AEN: variants seen among roughly 807,000 people sequenced by gnomAD.
AEN encodes apoptosis-enhancing nuclease.
AEN carries 21 observed loss-of-function variants against 17.7 expected under a neutral mutation model. The observed-to-expected ratio is 1.19, with a 90% CI of 0.84 to 1.71. AEN has a LOEUF of 1.71. Among genes scored for constraint, AEN ranks in the 40% most tolerant of loss-of-function variants. AEN has a pLI of 0.00. For synonymous variants in AEN, 190 were observed against 173.0 expected, an observed-to-expected ratio of 1.10 and a Z score of -0.77; for missense variants, 462 against 435.9, an observed-to-expected ratio of 1.06 and a Z score of -0.53.
rs1272571093 is a variant in AEN at position 88,626,257 on chromosome 15, C to A, written c.48C>A (p.Ser16=). ...APESAQCLCP[S]LTIPNAKDVL... ...AGTCTGCTCAGTGCCTGTGCCCTTC[C>A]CTCACCATCCCAAATGCCAAGGATG... The change falls in exon 2 of 4, where the codon TCC becomes TCA. Residue 16 remains serine (S), a synonymous_variant. Transcript: ENST00000332810. The A allele has an allele frequency of 6.2e-7, 1 of 1,612,532 alleles. No homozygotes were observed. The highest frequency in any genetic ancestry group is 1.7e-5 in the Admixed American group (1 of 59,936).
the AEN span, among the ~76,000 whole-genome samples, chr15:88,605,455 C>T: frequency 1.3e-5 from 2 of 152,200 alleles, no homozygotes; most frequent in African/African-American, 4.8e-5. This position sits in a 1 kb window ranked among gnomAD's most constrained non-coding sequence, Gnocchi z 7.6. Context: ...CTTTGCCTGC[C>T]ACCAGATCTG....
rs1390122399 is a variant in AEN at position 88,630,411 on chromosome 15, C to T, written c.*117C>T. On this transcript the variant is annotated 3_prime_UTR_variant, in exon 4 of 4. Transcript: ENST00000332810. The surrounding 1 kb of genome is among the most constrained non-coding windows in gnomAD (Gnocchi z 5.1). Reference sequence around the variant, plus strand: ...GGGGCAGGATGCAGTGAGCCAGCCCCAGGGCCAGAGGAGTAGGGGTCATCT... The same window carrying T: ...GGGGCAGGATGCAGTGAGCCAGCCCTAGGGCCAGAGGAGTAGGGGTCATCT... 5 of 963,706 alleles carry T rather than the reference C, an allele frequency of 5.2e-6. No homozygotes were observed. Among genetic ancestry groups the T allele is most frequent in the African/African-American group, 4.9e-5 (3 of 61,470 alleles). 59.7% of individuals were successfully genotyped at this position (963,706 alleles called of 1,614,324 possible).
chr15:88,611,335 T>G, the AEN span, among the ~76,000 whole-genome samples: 1 of 150,464 alleles, frequency 6.6e-6, no homozygotes, highest in Non-Finnish European at 1.5e-5. Flanking sequence ...GTGGCTCACG[T>G]CTATAATCCC....
the AEN span, among the ~76,000 whole-genome samples, chr15:88,605,337 C>T: frequency 1.3e-5 from 2 of 152,216 alleles, no homozygotes; most frequent in Non-Finnish European, 2.9e-5. The surrounding 1 kb of genome is among the most constrained non-coding windows in gnomAD (Gnocchi z 7.6). Context: ...CCGCCCCAAG[C>T]CCGCCGTCGC....
chr15:88,607,645 C>T, the AEN span, among the ~76,000 whole-genome samples: 1 of 152,192 alleles, frequency 6.6e-6, no homozygotes, highest in Non-Finnish European at 1.5e-5. Flanking sequence ...CAGGCAGGAA[C>T]TGTGATATCT....
the AEN span, chr15:88,604,827 C>T: frequency 6.6e-6 from 1 of 152,540 alleles, no homozygotes; most frequent in Non-Finnish European, 1.5e-5. This position sits in a 1 kb window ranked among gnomAD's most constrained non-coding sequence, Gnocchi z 8.1. Context: ...CACTGCGCTG[C>T]TACTTGCACT....
chr15:88,611,509 A>C, the AEN span, among the ~76,000 whole-genome samples: 1 of 151,648 alleles, frequency 6.6e-6, no homozygotes, highest in Non-Finnish European at 1.5e-5. Flanking sequence ...AATCACTTGA[A>C]CACTCGAGTC....
chr15:88,608,818 C>A, the AEN span, among the ~76,000 whole-genome samples: 1 of 152,224 alleles, frequency 6.6e-6, no homozygotes, highest in African/African-American at 2.4e-5. Flanking sequence ...GCTGACTCAT[C>A]GCTTCCCAGG....
chr15:88,609,458 G>T, the AEN span, among the ~76,000 whole-genome samples: 2 of 152,076 alleles, frequency 1.3e-5, no homozygotes, highest in Admixed American at 1.3e-4. Context: ...TCAGTTAATT[G>T]TTACCATGGT....
At chr15:88,608,762 A>G in the AEN span, among the ~76,000 whole-genome samples, 3 of 152,354 alleles carry the variant, frequency 2.0e-5, no homozygotes, top group Admixed American at 2.0e-4. Context: ...TGACAAATAG[A>G]AAAGCTGAAT....
the AEN span, among the ~76,000 whole-genome samples, chr15:88,610,050 A>G: frequency 2.6e-5 from 4 of 152,202 alleles, no homozygotes; most frequent in African/African-American, 9.6e-5. Context: ...TGACATCCAG[A>G]GAGATGCTGT....
chr15:88,630,284 G>A lies in AEN; in HGVS notation c.968G>A (p.Arg323Lys), dbSNP rs2057911689. Residue 323 changes from arginine to lysine, a missense_variant, in exon 4 of 4, where the codon AGA becomes AAA. Arg to Lys is a conservative substitution (Grantham distance 26). Transcript: ENST00000332810. This position sits in a 1 kb window ranked among gnomAD's most constrained non-coding sequence, Gnocchi z 5.1. ...GGAGGAGCCAGGGAGGCACAGGACA[G>A]AAGGAATTGAGAAGGGGGCGGGGCT... The part of the protein sequence containing the change: ...SRGGAREAQD[R>K]RN 6.3e-7 allele frequency: 1 copy of A among 1,580,606 alleles called. No individual in the cohort carries two copies. Among genetic ancestry groups the A allele is most frequent in the Non-Finnish European group, 8.6e-7 (1 of 1,163,632 alleles).
chr15:88,614,954 C>T, the AEN span, among the ~76,000 whole-genome samples: 1 of 152,084 alleles, frequency 6.6e-6, no homozygotes, highest in Non-Finnish European at 1.5e-5. Flanking sequence ...GTGGCGCGAT[C>T]TCGGGTTCAC....
At chr15:88,609,298 C>A in the AEN span, among the ~76,000 whole-genome samples, 1 of 152,134 alleles carries the variant, frequency 6.6e-6, no homozygotes, top group Non-Finnish European at 1.5e-5. Context: ...TAGGGCTGAA[C>A]AAATGTTTGA....
the AEN span, chr15:88,604,871 T>A: frequency 6.6e-6 from 1 of 152,266 alleles, no homozygotes; most frequent in African/African-American, 2.4e-5. The surrounding 1 kb of genome is among the most constrained non-coding windows in gnomAD (Gnocchi z 8.1). Flanking sequence ...TACCGGCAGC[T>A]GGGTGGTGAG....
chr15:88,626,723 G>T lies in AEN; in HGVS notation c.514G>T (p.Val172Phe). The change falls in exon 2 of 4, where the codon GTC becomes TTC. Residue 172 changes from valine to phenylalanine, a missense_variant. Coordinates refer to ENST00000332810, the MANE Select transcript of AEN (RefSeq NM_022767.4). The part of the protein sequence containing the change: ...GITRQHMRKA[V>F]PFQVAQKEIL... ...CACTCGGCAGCACATGCGCAAGGCT[G>T]TCCCCTTCCAGGTGGCCCAGAAAGA... is the stretch of plus-strand genomic sequence containing the variant. The T allele has an allele frequency of 1.2e-6, 2 of 1,611,126 alleles. No individual in the cohort carries two copies. The highest frequency in any genetic ancestry group is 1.7e-6 in the Non-Finnish European group (2 of 1,179,966).
At chr15:88,612,374 T>A in the AEN span, among the ~76,000 whole-genome samples, 3 of 152,008 alleles carry the variant, frequency 2.0e-5, no homozygotes, top group Non-Finnish European at 4.4e-5. Context: ...ACACCTGACC[T>A]CGGAGCTTGT....
Position 88,630,217 on chromosome 15 carries a change from G to T in AEN, c.901G>T (p.Glu301Ter), listed in dbSNP as rs1289701460. The T allele has an allele frequency of 1.9e-6, 3 of 1,609,374 alleles. No homozygotes were observed. The East Asian group carries it at 6.7e-5, about 36-fold the overall frequency. Residue 301 changes from glutamate (E) to a stop codon, truncating the protein, a stop_gained, in exon 4 of 4, where the codon GAG becomes TAG. Coordinates refer to ENST00000332810, the MANE Select transcript of AEN (RefSeq NM_022767.4). LOFTEE classifies it low-confidence loss of function (END_TRUNC). This position sits in a 1 kb window ranked among gnomAD's most constrained non-coding sequence, Gnocchi z 5.1. ...CAGCACAGACATGGAACAGTACATG[G>T]AGGACCAGTACTGGCCCGATGACCT... ...DSSTDMEQYM[E>*]DQYWPDDLAH...
upstream of AEN, among the ~76,000 whole-genome samples, chr15:88,619,372 G>A (rs1395996460): frequency 6.6e-6 from 1 of 152,174 alleles, no homozygotes; most frequent in Non-Finnish European, 1.5e-5. Flanking sequence ...CATGGAAGCA[G>A]AGGATCTGGA....
Sources: gnomAD v4.1 joint callset for allele counts (sites outside exome capture counted in the v4.1 genomes callset) on GRCh38, gnomAD v4.1.1 for gene constraint, Gnocchi (gnomAD v3.1) non-coding constraint, MANE v1.5 for transcripts, NCBI Gene and HGNC (gene_info 2026-07-23, HGNC 2026-07-21) for gene names.